CBLB: variants seen among roughly 807,000 people sequenced by gnomAD.
CBLB encodes E3 ubiquitin-protein ligase CBL-B.
CBLB carries 31 observed loss-of-function variants against 104.9 expected under a neutral mutation model. That is an observed-to-expected ratio of 0.30 (90% CI 0.22 to 0.40). The LOEUF (loss-of-function observed/expected upper bound fraction) is 0.40. Ranked by LOEUF, CBLB falls within the 10% of genes least tolerant of loss-of-function variation. The pLI, the probability that CBLB is intolerant of heterozygous loss-of-function variation, is 1.00. For missense variants in CBLB, 1,062 were observed against 1,214.6 expected (o/e 0.87, Z 1.87); for synonymous variants, 440 against 422.6 (o/e 1.04, Z -0.51).
intron 3 of CBLB, among the ~76,000 whole-genome samples, chr3:105,793,419 G>C (rs1012580129): frequency 6.6e-6 from 1 of 151,132 alleles, no homozygotes; most frequent in Admixed American, 6.6e-5. Context: ...GGAACTGATG[G>C]AGGAAGGTGT....
chr3:105,749,792 TA>T, intron 5 of CBLB: 1 of 273,444 alleles, frequency 3.7e-6, no homozygotes, highest in Admixed American at 5.0e-5. Context: ...GGTTCCATTA[TA>T]AAATGACCAA....
intron 3 of CBLB, among the ~76,000 whole-genome samples, chr3:105,833,856 C>G (rs2087956184): frequency 6.6e-6 from 1 of 151,812 alleles, no homozygotes. Flanking sequence ...TCACTGAAGA[C>G]CAGTATCCTA....
At chr3:105,662,870 G>A (rs945133237) in intron 18 of CBLB, among the ~76,000 whole-genome samples, 1 of 152,158 alleles carries the variant, frequency 6.6e-6, no homozygotes. Flanking sequence ...GTGGCCGACC[G>A]CCACTGCTAC....
Position 105,681,777 on chromosome 3 carries a change from C to A in CBLB, c.2243G>T (p.Gly748Val), listed in dbSNP as rs776493940. The change falls in exon 15 of 19, where the codon GGT (glycine) becomes GTT (valine). Residue 748 changes from glycine to valine, a missense_variant. This residue lies in a region of CBLB where 605 missense variants were observed against 582.6 expected (regional missense o/e 1.04). Transcript: ENST00000394030. ...NGHCMLNGTH[G>V]PSSEKKSNIP... The stretch of plus-strand genomic sequence containing the variant: ...GTTTGATTTCTTCTCTGAAGATGGA[C>A]CATGTGTTCCATTCAGCATACAGTG... 6.2e-6 allele frequency: 10 copies of A among 1,610,264 alleles called. No homozygotes were observed. The highest frequency in any genetic ancestry group is 1.7e-4 in the Middle Eastern group (1 of 6,058).
intron 10 of CBLB, among the ~76,000 whole-genome samples, chr3:105,709,810 G>A (rs953294550): frequency 1.3e-5 from 2 of 151,820 alleles, no homozygotes; most frequent in Non-Finnish European, 3.0e-5. Flanking sequence ...ATATTTTTAA[G>A]GCTCTTTTGC....
chr3:105,704,479 T>C (rs111774375), intron 10 of CBLB, among the ~76,000 whole-genome samples: 20 of 152,320 alleles, frequency 1.3e-4, no homozygotes, highest in Middle Eastern at 6.8e-3. Context: ...CATCTATATT[T>C]TATGAGGAAT....
chr3:105,808,074 T>C (rs1237927097), intron 3 of CBLB, among the ~76,000 whole-genome samples: 4 of 152,232 alleles, frequency 2.6e-5, no homozygotes, highest in Admixed American at 2.0e-4. Flanking sequence ...ATCCTTTGGC[T>C]GTTTGGCCAG....
chr3:105,720,278 GT>G, intron 9 of CBLB, 28 bp from the exon 10 acceptor site: 1 of 1,579,786 alleles, frequency 6.3e-7, no homozygotes, highest in Non-Finnish European at 8.7e-7. Flanking sequence ...GCATGGATTG[GT>G]TTTGTTCAAA....
At chr3:105,669,591 C>T (rs1446072203) in intron 18 of CBLB, among the ~76,000 whole-genome samples, 2 of 152,038 alleles carry the variant, frequency 1.3e-5, no homozygotes, top group African/African-American at 4.8e-5. Context: ...GACAGATAAC[C>T]AACAATCAAC....
chr3:105,748,993 G>A (rs1383863634), intron 5 of CBLB, among the ~76,000 whole-genome samples: 4 of 151,932 alleles, frequency 2.6e-5, no homozygotes, highest in Admixed American at 1.3e-4. Context: ...GTATGTTCCC[G>A]CAGTCACACA....
chr3:105,837,014 T>C (rs2088631452), intron 3 of CBLB, among the ~76,000 whole-genome samples: 1 of 150,478 alleles, frequency 6.6e-6, no homozygotes, highest in East Asian at 1.9e-4. Context: ...GATCCAACCC[T>C]CCGACCTTTA....
At chr3:105,771,917 C>T (rs984282712) in intron 4 of CBLB, among the ~76,000 whole-genome samples, 2 of 152,136 alleles carry the variant, frequency 1.3e-5, no homozygotes, top group African/African-American at 4.8e-5. Flanking sequence ...ACATCACCTG[C>T]TCATGGATGG....
chr3:105,750,023 A>AT (rs11326645), intron 5 of CBLB, among the ~76,000 whole-genome samples: 11,340 of 146,780 alleles, frequency 0.077, 591 homozygotes, highest in Admixed American at 0.16. Context: ...TCCTATATGT[A>AT]TTTTTTTTTT....
intron 2 of CBLB, among the ~76,000 whole-genome samples, chr3:105,864,790 T>C (rs535280343): frequency 6.6e-6 from 1 of 152,264 alleles, no homozygotes; most frequent in African/African-American, 2.4e-5. Flanking sequence ...GGCCAAGAAA[T>C]GGTAAAACTA....
At chr3:105,695,499 T>C (rs1416152180) in intron 12 of CBLB, among the ~76,000 whole-genome samples, 1 of 151,962 alleles carries the variant, frequency 6.6e-6, no homozygotes. Flanking sequence ...CAGGCAATGA[T>C]GTCTATCACT....
intron 3 of CBLB, among the ~76,000 whole-genome samples, chr3:105,835,477 T>G (rs1315558204): frequency 6.6e-6 from 1 of 152,214 alleles, no homozygotes. Context: ...AACTTGATAC[T>G]GAAGCCCAAC....
At chr3:105,758,959 T>C (rs1489578893) in intron 4 of CBLB, among the ~76,000 whole-genome samples, 1 of 151,718 alleles carries the variant, frequency 6.6e-6, no homozygotes, top group African/African-American at 2.4e-5. Flanking sequence ...GTGAAGGGGG[T>C]GGAGGGTGGG....
chr3:105,797,144 C>A (rs1266522852), intron 3 of CBLB, among the ~76,000 whole-genome samples: 1 of 152,114 alleles, frequency 6.6e-6, no homozygotes, highest in African/African-American at 2.4e-5. Flanking sequence ...TATATGTTTA[C>A]TGCAGCATTA....
intron 4 of CBLB, among the ~76,000 whole-genome samples, chr3:105,759,504 G>A (rs2077404130): frequency 6.6e-6 from 1 of 152,194 alleles, no homozygotes. Context: ...GTCACCTGCA[G>A]GCCCATGCGG....
Sources: allele counts gnomAD v4.1 joint callset (sites outside exome capture counted in the v4.1 genomes callset), GRCh38; gene constraint gnomAD v4.1.1; regional missense constraint gnomAD v4.1.1; transcripts MANE v1.5; gene names NCBI Gene and HGNC (gene_info 2026-07-23, HGNC 2026-07-21).